The following CALN1 variants were observed in gnomAD, a reference collection of about 807,000 sequenced individuals.
CALN1 encodes calcium-binding protein 8.
A neutral mutation model predicts 30.6 loss-of-function variants in CALN1; 17 were observed. That is an observed-to-expected ratio of 0.56 (90% CI 0.38 to 0.83). The LOEUF is 0.83. Among genes scored for constraint, CALN1 ranks in the 40% least tolerant of loss-of-function variants. The pLI, the probability that CALN1 is intolerant of heterozygous loss-of-function variation, is 0.00. For synonymous variants in CALN1, 156 were observed against 131.4 expected (o/e 1.19, Z -1.28); for missense variants, 291 against 354.9 (o/e 0.82, Z 1.45).
chr7:71,905,822 C>T (rs895582886), intron 5 of CALN1, among the ~76,000 whole-genome samples: 1 of 152,096 alleles, frequency 6.6e-6, no homozygotes, highest in Non-Finnish European at 1.5e-5. Flanking sequence ...AAAGATACTA[C>T]CCAAGACTGG....
At chr7:72,245,292 C>T (rs765499438) in intron 3 of CALN1, among the ~76,000 whole-genome samples, 17 of 152,158 alleles carry the variant, frequency 1.1e-4, no homozygotes, top group Non-Finnish European at 2.5e-4. Flanking sequence ...TGCAACCCTA[C>T]GTGCAGTACT....
chr7:72,375,671 A>T (rs370222950), intron 2 of CALN1, among the ~76,000 whole-genome samples: 50 of 152,100 alleles, frequency 3.3e-4, no homozygotes, highest in Non-Finnish European at 6.0e-4. Context: ...ATTTTGAGAC[A>T]GTGTCTTGCT....
rs1554399594 is a variant in CALN1, at chr7:72,396,258, G to GAA, written c.119+6991_119+6992dup. On this transcript the variant is annotated intron_variant, in intron 2 of 6. Transcript: ENST00000395275. ...ACTAAAAAAAAAAAAAAAAAAAAAA[G>GAA]AAAGAAAAAGAAAAATTAGCTGGGT... Among the ~76,000 whole-genome samples the GAA allele has an allele frequency of 8.1e-4, 88 of 109,290 alleles. 1 individual carries two copies. Among genetic ancestry groups the GAA allele is most frequent in the South Asian group, 1.6e-3 (5 of 3,216 alleles). 71.7% of individuals were successfully genotyped at this position (109,290 alleles called of 152,430 possible).
chr7:72,123,552 A>G (rs1031646291), intron 3 of CALN1, among the ~76,000 whole-genome samples: 1 of 152,218 alleles, frequency 6.6e-6, no homozygotes, highest in Admixed American at 6.5e-5. Flanking sequence ...GTAAAAAGTT[A>G]GCCAGAGAGA....
chr7:72,494,570 C>G, the CALN1 span, among the ~76,000 whole-genome samples: 1 of 152,144 alleles, frequency 6.6e-6, no homozygotes, highest in Non-Finnish European at 1.5e-5. Flanking sequence ...ACACATGTCT[C>G]GGGTACCACA....
intron 2 of CALN1, chr7:72,336,600 CGACAGCCCGG>C (rs1321057345): frequency 1.3e-6 from 1 of 794,382 alleles, no homozygotes; most frequent in Non-Finnish European, 1.5e-6. Flanking sequence ...CCAGGGCCCG[CGACAGCCCGG>C]GGGTTTGGAC....
chr7:72,233,324 G>T (rs750089316), intron 3 of CALN1, among the ~76,000 whole-genome samples: 11 of 152,038 alleles, frequency 7.2e-5, no homozygotes, highest in Non-Finnish European at 1.2e-4. Context: ...AGGAGAAGAC[G>T]GTCTCGGGGA....
At chr7:72,260,374 G>GA (rs1030765712) in intron 3 of CALN1, among the ~76,000 whole-genome samples, 16 of 152,204 alleles carry the variant, frequency 1.1e-4, no homozygotes, top group Admixed American at 2.6e-4. Context: ...CTTCTCTCCA[G>GA]AAAAAACATC....
chr7:71,922,575 A>G (rs1163755422), intron 5 of CALN1, among the ~76,000 whole-genome samples: 2 of 139,844 alleles, frequency 1.4e-5, no homozygotes, highest in East Asian at 3.9e-4. Flanking sequence ...ATAAATATAT[A>G]ACACACAGAA....
chr7:71,804,241 G>A (rs1452911901), intron 6 of CALN1, among the ~76,000 whole-genome samples: 1 of 152,166 alleles, frequency 6.6e-6, no homozygotes, highest in Non-Finnish European at 1.5e-5. Context: ...CGCCACAGTG[G>A]CTCACACCTG....
At chr7:72,147,151 C>T (rs1161098535) in intron 3 of CALN1, among the ~76,000 whole-genome samples, 1 of 152,112 alleles carries the variant, frequency 6.6e-6, no homozygotes, top group Admixed American at 6.5e-5. Flanking sequence ...TTCTGCACAG[C>T]AAAAGAAACT....
At chr7:71,879,802 A>G (rs1584432151) in intron 5 of CALN1, among the ~76,000 whole-genome samples, 1 of 152,232 alleles carries the variant, frequency 6.6e-6, no homozygotes, top group East Asian at 1.9e-4. Flanking sequence ...CCTCACAGAG[A>G]TGGAAAGAGG....
At chr7:72,212,270 A>G (rs1792461090) in intron 3 of CALN1, among the ~76,000 whole-genome samples, 2 of 149,616 alleles carry the variant, frequency 1.3e-5, no homozygotes, top group South Asian at 4.3e-4. Context: ...AATTGCCTGA[A>G]CCCACGAGGT....
chr7:72,248,531 T>C (rs145591854), intron 3 of CALN1, among the ~76,000 whole-genome samples: 19 of 152,238 alleles, frequency 1.2e-4, no homozygotes, highest in African/African-American at 4.6e-4. Flanking sequence ...CTCTCTTCCA[T>C]TCTCTCTTCT....
intron 3 of CALN1, among the ~76,000 whole-genome samples, chr7:72,138,993 A>G (rs998104629): frequency 6.6e-6 from 1 of 152,202 alleles, no homozygotes; most frequent in Non-Finnish European, 1.5e-5. Flanking sequence ...CTAGCGTTCA[A>G]TCTCAAAAAT....
At chr7:72,261,747 GA>G (rs998774400) in intron 3 of CALN1, among the ~76,000 whole-genome samples, 1 of 151,804 alleles carries the variant, frequency 6.6e-6, no homozygotes, top group Non-Finnish European at 1.5e-5. Context: ...AGCTTTACAG[GA>G]AAAAAACACC....
At chr7:72,271,802 C>T (rs1366022017) in intron 3 of CALN1, among the ~76,000 whole-genome samples, 1 of 151,396 alleles carries the variant, frequency 6.6e-6, no homozygotes, top group Non-Finnish European at 1.5e-5. Flanking sequence ...GTGGTTCATG[C>T]CTATAATCCC....
chr7:72,385,113 A>G (rs377346364), intron 2 of CALN1, among the ~76,000 whole-genome samples: 9 of 152,372 alleles, frequency 5.9e-5, no homozygotes, highest in African/African-American at 1.9e-4. Context: ...CACTACACAC[A>G]TATTAGAATG....
chr7:71,838,265 G>T lies in CALN1; in HGVS notation c.502-27773C>A, dbSNP rs371981935. Among the ~76,000 whole-genome samples, 13 of 152,318 alleles carry T rather than the reference G, an allele frequency of 8.5e-5. No individual in the cohort carries two copies. The East Asian group carries it at 2.3e-3, about 27-fold the overall frequency. Reference sequence around the variant, plus strand: ...CTGTTAGTATAAATCTTTTTAAGCAGGCTTGTAGTTAAGAGATCATTTTTT... The same window carrying T: ...CTGTTAGTATAAATCTTTTTAAGCATGCTTGTAGTTAAGAGATCATTTTTT... On this transcript the variant is annotated intron_variant, in intron 5 of 6. Coordinates refer to ENST00000395275, the MANE Select transcript of CALN1 (RefSeq NM_031468.4).
Sources: allele counts gnomAD v4.1 joint callset (sites outside exome capture counted in the v4.1 genomes callset), GRCh38; gene constraint gnomAD v4.1.1; transcripts MANE v1.5; gene names NCBI Gene and HGNC (gene_info 2026-07-23, HGNC 2026-07-21).